CNTNAP3: variants seen among roughly 807,000 people sequenced by gnomAD.
CNTNAP3 encodes the protein contactin associated protein family member 3.
Under a neutral mutation model 92.1 loss-of-function variants are expected in CNTNAP3, and 36 were observed. That is an observed-to-expected ratio of 0.39 (90% confidence interval 0.30 to 0.52). The LOEUF (loss-of-function observed/expected upper bound fraction) is 0.52. Ranked by LOEUF, CNTNAP3 falls within the 20% of genes least tolerant of loss-of-function variation. The probability of loss-of-function intolerance (pLI) is 0.76; values close to 1 mark genes in which losing one functional copy is unlikely to be tolerated. For missense variants in CNTNAP3, 534 were observed against 1,069.6 expected (o/e 0.50, Z 6.98); for synonymous variants, 232 against 422.3 (o/e 0.55, Z 5.53).
rs1826684397 is a variant in CNTNAP3 at position 39,109,234 on chromosome 9, A to G, written c.2291T>C (p.Ile764Thr). The G allele has an allele frequency of 6.2e-7, 1 of 1,612,818 alleles. No homozygotes were observed. Among genetic ancestry groups the G allele is most frequent in the East Asian group, 2.2e-5 (1 of 44,882 alleles). ...TGGTCGGCCTGCGTCTGTCATCACA[A>G]TCTGAGTGACTGGCAGGTGCTCCTT... is the stretch of plus-strand genomic sequence containing the variant. ...SQKEHLPVTQIVMTDAGRPHS... is the reference protein window; with the variant it reads ...SQKEHLPVTQTVMTDAGRPHS... Residue 764 changes from isoleucine to threonine, a missense_variant, in exon 15 of 24, where the codon ATT becomes ACT. Transcript: ENST00000297668.
At chr9:39,140,913 T>A (rs1821559021) in intron 11 of CNTNAP3, among the ~76,000 whole-genome samples, 1 of 152,222 alleles carries the variant, frequency 6.6e-6, no homozygotes, top group African/African-American at 2.4e-5. Flanking sequence ...TCACAGTGTA[T>A]TTCTATTTTG....
intron 18 of CNTNAP3, among the ~76,000 whole-genome samples, chr9:39,089,073 CTA>C (rs559673189): frequency 1.2e-3 from 188 of 152,324 alleles, no homozygotes; most frequent in African/African-American, 4.3e-3. Flanking sequence ...GTGTAAAATT[CTA>C]TGTCTTTTAG....
intron 20 of CNTNAP3, chr9:39,086,100 C>T: frequency 1.9e-6 from 1 of 519,714 alleles, no homozygotes; most frequent in Non-Finnish European, 3.5e-6. Context: ...TGGCAGAATC[C>T]ATGAAAAAGA....
chr9:39,072,723 T>G lies in CNTNAP3; in HGVS notation c.*1167A>C, dbSNP rs1825656217. The stretch of plus-strand genomic sequence containing the variant: ...ATGAAAGGATAATACACAATGATAT[T>G]TATGCCTAGAGCAGTTCAAAATTTA... On this transcript the variant is annotated 3_prime_UTR_variant, in exon 24 of 24. Transcript: ENST00000297668. 6.6e-6 allele frequency: 1 copy of G among 151,468 alleles called. No homozygotes were observed. The highest frequency in any genetic ancestry group is 2.1e-4 in the South Asian group (1 of 4,818). The allele number at this position is 151,468 out of a possible 1,614,324, so 9.4% of individuals were successfully genotyped here. A position where few individuals can be genotyped will look rare whatever the true frequency, so the allele number is the denominator to read the frequency against.
At chr9:39,138,527 A>C (rs1038182746) in intron 12 of CNTNAP3, among the ~76,000 whole-genome samples, 2 of 152,358 alleles carry the variant, frequency 1.3e-5, no homozygotes, top group South Asian at 2.1e-4. Flanking sequence ...CCTTGAGGAA[A>C]GACCTTGTTA....
At chr9:39,112,489 C>A (rs1052568112) in intron 14 of CNTNAP3, among the ~76,000 whole-genome samples, 10 of 152,110 alleles carry the variant, frequency 6.6e-5, no homozygotes, top group Non-Finnish European at 7.4e-5. Context: ...CCTCAGCCTC[C>A]AGAGTAGCTG....
intron 14 of CNTNAP3, among the ~76,000 whole-genome samples, chr9:39,112,731 A>C (rs1758549): frequency 8.6e-5 from 13 of 152,020 alleles, no homozygotes; most frequent in South Asian, 6.2e-4. Context: ...CACATCTAAC[A>C]CACTTAAAAA....
chr9:39,125,371 G>A (rs1465219608), intron 13 of CNTNAP3, among the ~76,000 whole-genome samples: 1 of 152,004 alleles, frequency 6.6e-6, no homozygotes, highest in East Asian at 1.9e-4. Context: ...GGTGGGGGGA[G>A]AGGGGAGGAA....
chr9:39,132,537 A>G (rs1821317785), intron 13 of CNTNAP3, among the ~76,000 whole-genome samples: 3 of 152,134 alleles, frequency 2.0e-5, no homozygotes, highest in Admixed American at 6.5e-5. Context: ...CGTTCCAGGT[A>G]GATTTAGAGG....
rs1396820337 is a variant in CNTNAP3, at chr9:39,069,173, T to C, written c.*4717A>G. ...TATGGGAGCAAGGCAACCTGTAGAA[T>C]TGGTCAGGAACTAGACATCTCAGGA... On this transcript the variant is annotated 3_prime_UTR_variant, in exon 24 of 24. Coordinates refer to ENST00000297668, the MANE Select transcript of CNTNAP3 (RefSeq NM_033655.5). Among the ~76,000 whole-genome samples the C allele has an allele frequency of 3.9e-5, 6 of 152,346 alleles. No homozygotes were observed. The highest frequency in any genetic ancestry group is 9.6e-5 in the African/African-American group (4 of 41,572).
intron 15 of CNTNAP3, among the ~76,000 whole-genome samples, chr9:39,107,016 A>C (rs924183255): frequency 1.3e-4 from 20 of 152,158 alleles, no homozygotes; most frequent in African/African-American, 3.9e-4. Context: ...GACCAACTCT[A>C]GTCCTGCTAT....
intron 10 of CNTNAP3, among the ~76,000 whole-genome samples, chr9:39,148,335 G>C (rs1352894437): frequency 6.6e-6 from 1 of 152,122 alleles, no homozygotes; most frequent in African/African-American, 2.4e-5. Flanking sequence ...AATAAATACA[G>C]TCCATATGAA....
At chr9:39,123,952 A>AAAC (rs1821097550) in intron 13 of CNTNAP3, among the ~76,000 whole-genome samples, 3 of 151,996 alleles carry the variant, frequency 2.0e-5, no homozygotes. Flanking sequence ...GAGAAAAGAA[A>AAAC]AACAATATAG....
intron 12 of CNTNAP3, among the ~76,000 whole-genome samples, chr9:39,138,421 C>T (rs942985045): frequency 6.6e-6 from 1 of 152,160 alleles, no homozygotes; most frequent in Non-Finnish European, 1.5e-5. Context: ...GGGTAATTTC[C>T]TTCCTCCAGG....
At chr9:39,119,571 T>A (rs1037945235) in intron 13 of CNTNAP3, among the ~76,000 whole-genome samples, 1 of 152,174 alleles carries the variant, frequency 6.6e-6, no homozygotes, top group African/African-American at 2.4e-5. Context: ...AATGTACAAG[T>A]GTAAATTTAC....
chr9:39,074,900 C>T (rs1302661248), intron 23 of CNTNAP3, among the ~76,000 whole-genome samples: 1 of 152,284 alleles, frequency 6.6e-6, no homozygotes, highest in East Asian at 1.9e-4. Flanking sequence ...TCCTGAGTAG[C>T]TGGGACTACA....
At chr9:39,117,735 A>T (rs951352275) in intron 14 of CNTNAP3, among the ~76,000 whole-genome samples, 2 of 152,192 alleles carry the variant, frequency 1.3e-5, no homozygotes, top group Non-Finnish European at 2.9e-5. Flanking sequence ...TTATATCCCA[A>T]ATCAATTTAA....
intron 4 of CNTNAP3, among the ~76,000 whole-genome samples, chr9:39,180,439 A>C (rs186937384): frequency 1.2e-5 from 1 of 84,756 alleles, no homozygotes; most frequent in African/African-American, 4.4e-5. Flanking sequence ...CCTCAGGCAA[A>C]TAGAATAGTA....
chr9:39,149,999 G>T, intron 9 of CNTNAP3, 22 bp from the exon 10 acceptor site: 1 of 1,610,844 alleles, frequency 6.2e-7, no homozygotes, highest in Non-Finnish European at 8.5e-7. Flanking sequence ...GACAAAAATA[G>T]GACAAAAGCA....
Sources: allele counts gnomAD v4.1 joint callset (sites outside exome capture counted in the v4.1 genomes callset), GRCh38; gene constraint gnomAD v4.1.1; transcripts MANE v1.5; gene names NCBI Gene and HGNC (gene_info 2026-07-23, HGNC 2026-07-21).